STK39: variants seen among roughly 807,000 people sequenced by gnomAD.
STK39 encodes STE20/SPS1-related proline-alanine-rich protein kinase.
Under a neutral mutation model 77.8 loss-of-function variants are expected in STK39, and 20 were observed. The observed-to-expected ratio is 0.26, with a 90% CI of 0.18 to 0.37. The LOEUF (loss-of-function observed/expected upper bound fraction) is 0.37. Among genes scored for constraint, STK39 ranks in the 10% least tolerant of loss-of-function variants. The pLI is 1.00. For missense variants in STK39, 479 were observed against 656.5 expected, an observed-to-expected ratio of 0.73 and a Z score of 2.95; for synonymous variants, 246 against 234.1, an observed-to-expected ratio of 1.05 and a Z score of -0.47.
At chr2:168,180,846 T>C (rs999324929) in intron 2 of STK39, among the ~76,000 whole-genome samples, 2 of 152,194 alleles carry the variant, frequency 1.3e-5, no homozygotes, top group Non-Finnish European at 2.9e-5. Context: ...CTCTTCTGAG[T>C]TTTAGCCGGC....
intron 2 of STK39, 137 bp from the exon 3 acceptor site, chr2:168,167,544 A>G (rs968872119): frequency 1.5e-6 from 1 of 677,690 alleles, no homozygotes; most frequent in Non-Finnish European, 2.5e-6. Context: ...CCATTACTTC[A>G]AAGAAGGTAT....
At chr2:167,969,237 T>C (rs1012473866) in intron 16 of STK39, among the ~76,000 whole-genome samples, 2 of 152,236 alleles carry the variant, frequency 1.3e-5, no homozygotes, top group Admixed American at 6.5e-5. Context: ...CAATATCTTA[T>C]CTGGTTTACC....
chr2:167,969,590 T>C (rs1692266649), intron 16 of STK39, among the ~76,000 whole-genome samples: 1 of 152,196 alleles, frequency 6.6e-6, no homozygotes, highest in Admixed American at 6.5e-5. Flanking sequence ...ATTCAAACTC[T>C]GAAAACCCAG....
intron 12 of STK39, among the ~76,000 whole-genome samples, chr2:168,069,660 G>A (rs184867650): frequency 2.0e-5 from 3 of 152,352 alleles, no homozygotes; most frequent in South Asian, 2.1e-4. Context: ...TCTGGATTCC[G>A]AGGGATTTGT....
At chr2:168,113,591 C>A (rs1687176723) in intron 10 of STK39, among the ~76,000 whole-genome samples, 1 of 152,186 alleles carries the variant, frequency 6.6e-6, no homozygotes, top group South Asian at 2.1e-4. Context: ...AATCACATGG[C>A]AGGACTACCA....
intron 2 of STK39, among the ~76,000 whole-genome samples, chr2:168,180,899 G>A (rs1434165763): frequency 6.6e-6 from 1 of 152,208 alleles, no homozygotes; most frequent in African/African-American, 2.4e-5. Context: ...TATGCATTGT[G>A]TAGCCTAATT....
At chr2:167,994,068 C>T (rs1038446908) in intron 16 of STK39, among the ~76,000 whole-genome samples, 1 of 152,154 alleles carries the variant, frequency 6.6e-6, no homozygotes, top group African/African-American at 2.4e-5. Context: ...GGAATACAGT[C>T]TTATACCAAC....
intron 14 of STK39, among the ~76,000 whole-genome samples, chr2:168,048,503 C>CGCCCGGCCTG (rs1685307205): frequency 1.3e-5 from 2 of 150,384 alleles, no homozygotes; most frequent in African/African-American, 2.4e-5. Context: ...TGAGCCACCG[C>CGCCCGGCCTG]GCCCGGCCCG....
At chr2:168,130,346 G>T (rs1466154474) in intron 8 of STK39, among the ~76,000 whole-genome samples, 1 of 152,296 alleles carries the variant, frequency 6.6e-6, no homozygotes, top group East Asian at 1.9e-4. Context: ...TTTCCTCATG[G>T]TGTCATTCAA....
intron 1 of STK39, among the ~76,000 whole-genome samples, chr2:168,228,445 T>C (rs939762965): frequency 3.9e-5 from 6 of 152,172 alleles, no homozygotes; most frequent in Admixed American, 2.0e-4. Context: ...TCATCAGTGT[T>C]GTATAAATTT....
intron 16 of STK39, among the ~76,000 whole-genome samples, chr2:168,008,839 A>T (rs550873709): frequency 6.6e-6 from 1 of 152,300 alleles, no homozygotes; most frequent in East Asian, 1.9e-4. Flanking sequence ...GGAGAAGGGC[A>T]TTGTCAACTA....
In STK39 at chr2:168,176,581, C is replaced by T. The variant is rs551670277; in HGVS notation, c.321+5397G>A. Among the ~76,000 whole-genome samples, 6 of 152,178 alleles carry T rather than the reference C, an allele frequency of 3.9e-5. 1 individual carries two copies. The highest frequency in any genetic ancestry group is 1.3e-4 in the Admixed American group (2 of 15,274). Reference sequence around the variant, plus strand: ...AGAGAAAGGAAAAACAACAAAACAACGCTACAGCAGAAAGCAAAATGAGGG... The same window carrying T: ...AGAGAAAGGAAAAACAACAAAACAATGCTACAGCAGAAAGCAAAATGAGGG... On this transcript the variant is annotated intron_variant, in intron 2 of 17. Coordinates refer to ENST00000355999, the MANE Select transcript of STK39 (RefSeq NM_013233.3).
At chr2:168,177,503 G>A (rs1199141290) in intron 2 of STK39, among the ~76,000 whole-genome samples, 1 of 152,106 alleles carries the variant, frequency 6.6e-6, no homozygotes, top group African/African-American at 2.4e-5. Flanking sequence ...GAACCAAAAT[G>A]TTCATCAATC....
intron 16 of STK39, among the ~76,000 whole-genome samples, chr2:167,992,044 CTGTT>C (rs1337282479): frequency 3.9e-5 from 6 of 152,160 alleles, no homozygotes; most frequent in African/African-American, 7.2e-5. Context: ...ATGACGTGCT[CTGTT>C]TGTAGGAAGA....
At chr2:168,177,711 G>C (rs981995349) in intron 2 of STK39, among the ~76,000 whole-genome samples, 1 of 152,142 alleles carries the variant, frequency 6.6e-6, no homozygotes. Context: ...CCTAGCCTTT[G>C]AGGTTGATCA....
intron 10 of STK39, among the ~76,000 whole-genome samples, chr2:168,102,356 G>C (rs1686851915): frequency 6.6e-6 from 1 of 152,146 alleles, no homozygotes; most frequent in Non-Finnish European, 1.5e-5. Context: ...TAGCGGGTAT[G>C]AGGTAGTATC....
rs114557656 is a variant in STK39 at position 168,016,608 on chromosome 2, T to A, written c.1429+435A>T. Among the ~76,000 whole-genome samples, 1,074 of 152,170 alleles carry A rather than the reference T, an allele frequency of 7.1e-3. 23 individuals are homozygous for A. The highest frequency in any genetic ancestry group is 0.025 in the African/African-American group (1,029 of 41,512). On this transcript the variant is annotated intron_variant, in intron 15 of 17. Transcript: ENST00000355999. ...CTTGTACTTCAGAGTTTTCAAAATT[T>A]TAGTAAACACTCCCCAATAGAGACT...
intron 10 of STK39, among the ~76,000 whole-genome samples, chr2:168,124,979 G>A (rs1687504621): frequency 1.3e-5 from 2 of 152,020 alleles, no homozygotes; most frequent in South Asian, 2.1e-4. Context: ...GTAGGGGGGT[G>A]GGGGACTAGG....
chr2:168,120,433 G>C (rs1017850836), intron 10 of STK39, among the ~76,000 whole-genome samples: 3 of 152,106 alleles, frequency 2.0e-5, no homozygotes, highest in African/African-American at 7.2e-5. Flanking sequence ...TGCATGTCTT[G>C]TGACGTTTGT....
Sources: gnomAD v4.1 joint callset for allele counts (sites outside exome capture counted in the v4.1 genomes callset) on GRCh38, gnomAD v4.1.1 for gene constraint, MANE v1.5 for transcripts, NCBI Gene and HGNC (gene_info 2026-07-23, HGNC 2026-07-21) for gene names.